Variants in KCNIP4 observed in about 807,000 individuals in gnomAD.
The protein encoded by KCNIP4 is potassium voltage-gated channel interacting protein 4.
A neutral mutation model predicts 34.0 loss-of-function variants in KCNIP4; 12 were observed. The ratio of observed to expected loss-of-function variants is 0.35; its 90% confidence interval spans 0.23 to 0.57. KCNIP4 has a LOEUF of 0.57. KCNIP4 is among the 20% of genes least tolerant of loss of function. The probability of loss-of-function intolerance (pLI) is 0.83; values close to 1 mark genes in which losing one functional copy is unlikely to be tolerated. For missense variants in KCNIP4, 238 were observed against 311.7 expected (o/e 0.76, Z 1.78); for synonymous variants, 124 against 102.2 (o/e 1.21, Z -1.29).
chr4:21,543,058 T>A (rs928177606), intron 1 of KCNIP4, among the ~76,000 whole-genome samples: 6 of 152,042 alleles, frequency 3.9e-5, no homozygotes, highest in East Asian at 3.9e-4. Flanking sequence ...TCAATAGACA[T>A]TCCCAAATTT....
intron 1 of KCNIP4, among the ~76,000 whole-genome samples, chr4:21,450,662 G>A (rs1307895779): frequency 6.6e-6 from 1 of 152,044 alleles, no homozygotes; most frequent in African/African-American, 2.4e-5. Context: ...AGACAATCTC[G>A]GTTAGCACGC....
intron 1 of KCNIP4, among the ~76,000 whole-genome samples, chr4:21,604,882 T>G (rs911513233): frequency 1.3e-5 from 2 of 152,214 alleles, no homozygotes; most frequent in Non-Finnish European, 2.9e-5. Flanking sequence ...TTTGATCAAT[T>G]ATTTCAAAAG....
chr4:20,815,843 CAT>C (rs1462086594), intron 3 of KCNIP4, among the ~76,000 whole-genome samples: 2 of 152,174 alleles, frequency 1.3e-5, no homozygotes, highest in Non-Finnish European at 2.9e-5. Context: ...TGTAGTGAGA[CAT>C]GTGAGACTTT....
chr4:20,882,618 A>G lies in KCNIP4; in HGVS notation c.153T>C (p.Pro51=). ...LPCSAAKTSS[P]AIQNSVEDEL... is the part of the protein sequence containing the mutation. ...AAAAAACAAACTTGCTTTGAATAGCAGGAGACGACGTTTTGGCAGCTGAGC... is the reference window on the plus strand; with the variant it reads ...AAAAAACAAACTTGCTTTGAATAGCGGGAGACGACGTTTTGGCAGCTGAGC... Residue 51 remains proline (P), a synonymous_variant, in exon 2 of 9, where the codon CCT becomes CCC. Transcript: ENST00000382152. 1 of 1,612,534 alleles carries G rather than the reference A, an allele frequency of 6.2e-7. No individual in the cohort carries two copies. The highest frequency in any genetic ancestry group is 8.5e-7 in the Non-Finnish European group (1 of 1,178,922).
rs770366497 is a variant in KCNIP4, at chr4:21,304,030, TGAGAGAGA to T, written c.62-421329_62-421322del. On this transcript the variant is annotated intron_variant, in intron 1 of 8. Coordinates refer to ENST00000382152, the MANE Select transcript of KCNIP4 (RefSeq NM_025221.6). Reference sequence around the variant, plus strand: ...GGAGAAAGGGGAGGAGGAGAGCGTATGAGAGAGAGAGAGAGAGAGAGAGAGAGAGAGAG... The same window carrying T: ...GGAGAAAGGGGAGGAGGAGAGCGTATGAGAGAGAGAGAGAGAGAGAGAGAG... The T allele has an allele frequency of 2.8e-3, 794 of 288,508 alleles. 7 individuals are homozygous for T. The highest frequency in any genetic ancestry group is 5.6e-3 in the Admixed American group (59 of 10,476). The allele number at this position is 288,508 out of a possible 1,614,324, so 17.9% of individuals were successfully genotyped here.
At chr4:21,158,047 A>T (rs1753280279) in intron 1 of KCNIP4, among the ~76,000 whole-genome samples, 1 of 152,114 alleles carries the variant, frequency 6.6e-6, no homozygotes, top group Non-Finnish European at 1.5e-5. Context: ...TGTGAAAAAA[A>T]AACACGCATG....
chr4:21,057,175 G>A lies in KCNIP4; in HGVS notation c.62-174466C>T, dbSNP rs113766275. The stretch of plus-strand genomic sequence containing the variant: ...AATTGAACCACTGAGTATCTATGTG[G>A]GAACTAATTGAGGACCATGTTTACA... On this transcript the variant is annotated intron_variant, in intron 1 of 8. Coordinates refer to ENST00000382152, the MANE Select transcript of KCNIP4 (RefSeq NM_025221.6). 4.3e-3 allele frequency among the ~76,000 whole-genome samples: 650 copies of A among 152,010 alleles called. 3 individuals carry two copies. Among genetic ancestry groups the A allele is most frequent in the African/African-American group, 0.015 (620 of 41,490 alleles).
chr4:21,509,683 T>C (rs16871288), intron 1 of KCNIP4, among the ~76,000 whole-genome samples: 10,989 of 152,240 alleles, frequency 0.072, 1,212 homozygotes, highest in African/African-American at 0.24. Context: ...TATCCCTATC[T>C]TTAGCTCCTA....
chr4:21,101,164 T>G (rs745443796), intron 1 of KCNIP4, among the ~76,000 whole-genome samples: 1 of 152,186 alleles, frequency 6.6e-6, no homozygotes, highest in Non-Finnish European at 1.5e-5. Context: ...GCTGTATATG[T>G]CCATCTGTAC....
intron 1 of KCNIP4, among the ~76,000 whole-genome samples, chr4:21,380,345 GA>G (rs966352114): frequency 1.3e-5 from 2 of 148,950 alleles, no homozygotes; most frequent in Admixed American, 6.7e-5. Context: ...TCAACAACTG[GA>G]AAAAAATACA....
intron 1 of KCNIP4, among the ~76,000 whole-genome samples, chr4:21,777,039 C>T (rs111296891): frequency 0.056 from 8,588 of 152,158 alleles, 802 homozygotes; most frequent in African/African-American, 0.19. Context: ...TCCCAAAGTG[C>T]TGGTATTACA....
At chr4:21,392,684 GC>G (rs1722667460) in intron 1 of KCNIP4, among the ~76,000 whole-genome samples, 1 of 152,134 alleles carries the variant, frequency 6.6e-6, no homozygotes, top group African/African-American at 2.4e-5. Context: ...ATTTTATTTA[GC>G]CAAACAATCT....
chr4:21,095,690 T>A (rs1032829048), intron 1 of KCNIP4, among the ~76,000 whole-genome samples: 1 of 152,130 alleles, frequency 6.6e-6, no homozygotes, highest in Non-Finnish European at 1.5e-5. Flanking sequence ...ATTAGAAAAA[T>A]TTTAGTTTTT....
At chr4:20,823,729 C>G (rs1201694944) in intron 3 of KCNIP4, among the ~76,000 whole-genome samples, 1 of 152,076 alleles carries the variant, frequency 6.6e-6, no homozygotes, top group Non-Finnish European at 1.5e-5. Context: ...TTTAAGCCAC[C>G]CACTCCATAG....
At chr4:21,654,383 C>G (rs1177606504) in intron 1 of KCNIP4, among the ~76,000 whole-genome samples, 1 of 152,218 alleles carries the variant, frequency 6.6e-6, no homozygotes, top group Non-Finnish European at 1.5e-5. Context: ...TTCCACACTT[C>G]CACTCGCAAT....
At chr4:21,119,571 A>G (rs74370964) in intron 1 of KCNIP4, among the ~76,000 whole-genome samples, 21,118 of 151,366 alleles carry the variant, frequency 0.14, 1,697 homozygotes, top group East Asian at 0.23. Flanking sequence ...CCAAACATAG[A>G]GAGAAACATT....
rs560846112 is a variant in KCNIP4, at chr4:21,490,990, A to C, written c.61+457581T>G. ...GAACAGCAGGTGCAAAGATCTGGAAATGGAACAGAAAATCTCCACATCACT... is the reference window on the plus strand; with the variant it reads ...GAACAGCAGGTGCAAAGATCTGGAACTGGAACAGAAAATCTCCACATCACT... On this transcript the variant is annotated intron_variant, in intron 1 of 8. Coordinates refer to ENST00000382152, the MANE Select transcript of KCNIP4 (RefSeq NM_025221.6). 3.9e-5 allele frequency among the ~76,000 whole-genome samples: 6 copies of C among 152,280 alleles called. No individual in the cohort carries two copies. The East Asian group carries it at 7.7e-4, about 20-fold the overall frequency.
At position 20,742,608 on chromosome 4, in the gene KCNIP4, A is replaced by T. The variant is rs139466818; in HGVS notation, c.429+7054T>A. ...TTATGGCAAACCCACAGCCAATATCATACTGAATGGGCAAAAACTGGACTC... is the reference window on the plus strand; with the variant it reads ...TTATGGCAAACCCACAGCCAATATCTTACTGAATGGGCAAAAACTGGACTC... On this transcript the variant is annotated intron_variant, in intron 5 of 8. Coordinates refer to ENST00000382152, the MANE Select transcript of KCNIP4 (RefSeq NM_025221.6). Among the ~76,000 whole-genome samples the T allele has an allele frequency of 5.3e-4, 80 of 152,306 alleles. 3 individuals carry two copies. In the East Asian group the frequency reaches 0.015, roughly 28 times the overall value.
intron 1 of KCNIP4, among the ~76,000 whole-genome samples, chr4:20,994,477 G>A (rs1420371189): frequency 6.6e-6 from 1 of 152,190 alleles, no homozygotes; most frequent in Non-Finnish European, 1.5e-5. Flanking sequence ...AATTGTCACA[G>A]AGAAAGGACT....
Sources: allele counts gnomAD v4.1 joint callset (sites outside exome capture counted in the v4.1 genomes callset), GRCh38; gene constraint gnomAD v4.1.1; transcripts MANE v1.5; gene names NCBI Gene and HGNC (gene_info 2026-07-23, HGNC 2026-07-21).